LRMDA: variants seen among roughly 807,000 people sequenced by gnomAD.
LRMDA encodes the protein leucine-rich melanocyte differentiation-associated protein.
Under a neutral mutation model 29.8 loss-of-function variants are expected in LRMDA, and 18 were observed. The ratio of observed to expected loss-of-function variants is 0.60; its 90% CI spans 0.42 to 0.90. LRMDA has a LOEUF of 0.90. Among genes scored for constraint, LRMDA ranks in the 40% least tolerant of loss-of-function variants. The pLI, the probability that LRMDA is intolerant of heterozygous loss-of-function variation, is 0.00. For missense variants in LRMDA, 273 were observed against 273.9 expected, an observed-to-expected ratio of 1.00 and a Z score of 0.02; for synonymous variants, 125 against 109.4, an observed-to-expected ratio of 1.14 and a Z score of -0.89.
intron 5 of LRMDA, among the ~76,000 whole-genome samples, chr10:76,074,023 T>A (rs906114062): frequency 1.3e-5 from 2 of 152,190 alleles, no homozygotes; most frequent in African/African-American, 2.4e-5. Context: ...AGCACAAATA[T>A]GTTATTGTTC....
At chr10:75,894,792 G>A (rs1398054606) in intron 2 of LRMDA, among the ~76,000 whole-genome samples, 1 of 152,112 alleles carries the variant, frequency 6.6e-6, no homozygotes, top group Admixed American at 6.5e-5. Context: ...GAGGCAAGAG[G>A]CAATGAAGAG....
intron 5 of LRMDA, among the ~76,000 whole-genome samples, chr10:76,175,496 A>T (rs563694358): frequency 2.6e-5 from 4 of 152,284 alleles, no homozygotes; most frequent in African/African-American, 9.6e-5. Context: ...TTCTCTGGCC[A>T]CTGGTGTGGT....
chr10:76,299,114 C>G (rs1840447352), intron 5 of LRMDA, among the ~76,000 whole-genome samples: 1 of 151,900 alleles, frequency 6.6e-6, no homozygotes, highest in South Asian at 2.1e-4. Context: ...ATAGATGTTC[C>G]TCCTGCATAT....
chr10:75,652,880 T>C (rs1360997776), intron 2 of LRMDA, among the ~76,000 whole-genome samples: 1 of 152,202 alleles, frequency 6.6e-6, no homozygotes. Context: ...GAAAAAAAAT[T>C]TGGGCAAAAG....
chr10:75,475,742 C>A (rs1844783313), intron 2 of LRMDA, among the ~76,000 whole-genome samples: 1 of 152,106 alleles, frequency 6.6e-6, no homozygotes, highest in Non-Finnish European at 1.5e-5. Flanking sequence ...TCTGACAATA[C>A]ATTATGTGGT....
At chr10:75,536,292 T>C (rs750856038) in intron 2 of LRMDA, among the ~76,000 whole-genome samples, 1 of 152,172 alleles carries the variant, frequency 6.6e-6, no homozygotes, top group Admixed American at 6.5e-5. Flanking sequence ...TCTACACAAC[T>C]GTATATTGTA....
intron 6 of LRMDA, among the ~76,000 whole-genome samples, chr10:76,396,742 G>A (rs1841788618): frequency 6.6e-6 from 1 of 152,186 alleles, no homozygotes; most frequent in African/African-American, 2.4e-5. Context: ...AAGGTATGGG[G>A]TAACTTGTCT....
intron 5 of LRMDA, chr10:76,242,376 T>G (rs907016291): frequency 1.5e-4 from 23 of 152,224 alleles, no homozygotes; most frequent in African/African-American, 5.1e-4. Context: ...AGAAATTTAT[T>G]CTCTCATAGT....
chr10:76,066,793 G>A (rs572251405), intron 5 of LRMDA, among the ~76,000 whole-genome samples: 37 of 152,226 alleles, frequency 2.4e-4, no homozygotes, highest in Non-Finnish European at 4.8e-4. Context: ...GGTCAGGTTT[G>A]CAGTTTCCCC....
chr10:75,475,469 G>A (rs1358685185), intron 2 of LRMDA, among the ~76,000 whole-genome samples: 4 of 152,136 alleles, frequency 2.6e-5, no homozygotes, highest in Non-Finnish European at 5.9e-5. Context: ...AAGAACCTGG[G>A]ACTGCTTCCG....
At chr10:75,756,244 G>A (rs562119849) in intron 2 of LRMDA, among the ~76,000 whole-genome samples, 4 of 152,208 alleles carry the variant, frequency 2.6e-5, no homozygotes, top group Admixed American at 6.5e-5. Context: ...GTGTAGCCAC[G>A]CAGCTAAGTC....
intron 2 of LRMDA, among the ~76,000 whole-genome samples, chr10:75,540,988 A>G (rs1176510529): frequency 3.3e-5 from 5 of 152,132 alleles, no homozygotes; most frequent in Non-Finnish European, 7.4e-5. Flanking sequence ...TTTTTTTTAA[A>G]AAGGAAAAAA....
At chr10:75,445,024 G>T (rs983861414) in intron 2 of LRMDA, among the ~76,000 whole-genome samples, 1 of 152,100 alleles carries the variant, frequency 6.6e-6, no homozygotes, top group Non-Finnish European at 1.5e-5. Flanking sequence ...AACCTCCCAG[G>T]CTCAAACGAT....
chr10:75,930,371 A>G (rs11001554), intron 2 of LRMDA, among the ~76,000 whole-genome samples: 49,192 of 151,892 alleles, frequency 0.32, 9,571 homozygotes, highest in Non-Finnish European at 0.44. Context: ...ATGAGGAGAA[A>G]CTGGAGCCTT....
intron 6 of LRMDA, among the ~76,000 whole-genome samples, chr10:76,538,573 CAT>C (rs1268457019): frequency 7.0e-6 from 1 of 143,678 alleles, no homozygotes; most frequent in East Asian, 2.0e-4. Flanking sequence ...CACACACACA[CAT>C]ATACAGTATA....
chr10:76,486,129 GA>G (rs1344297162), intron 6 of LRMDA, among the ~76,000 whole-genome samples: 1 of 151,910 alleles, frequency 6.6e-6, no homozygotes, highest in African/African-American at 2.4e-5. Flanking sequence ...TTTGAAACCA[GA>G]AGTGACATTT....
At chr10:75,864,163 G>T (rs1442765185) in intron 2 of LRMDA, among the ~76,000 whole-genome samples, 1 of 152,212 alleles carries the variant, frequency 6.6e-6, no homozygotes, top group African/African-American at 2.4e-5. Context: ...TTGAGAACCG[G>T]ATGAGATAAT....
At chr10:75,844,257 C>T (rs1380514571) in intron 2 of LRMDA, among the ~76,000 whole-genome samples, 1 of 152,194 alleles carries the variant, frequency 6.6e-6, no homozygotes, top group Non-Finnish European at 1.5e-5. Flanking sequence ...TATGTGGTTT[C>T]GTGTGGCTTT....
intron 2 of LRMDA, among the ~76,000 whole-genome samples, chr10:75,948,526 G>A (rs9299532): frequency 0.23 from 34,763 of 152,084 alleles, 4,426 homozygotes; most frequent in South Asian, 0.43. Flanking sequence ...ATAATGCACT[G>A]TTCCTGCCTG....
Sources: gnomAD v4.1 joint callset for allele counts (sites outside exome capture counted in the v4.1 genomes callset) on GRCh38, gnomAD v4.1.1 for gene constraint, MANE v1.5 for transcripts, NCBI Gene and HGNC (gene_info 2026-07-23, HGNC 2026-07-21) for gene names.